Variants in ROR1 observed in about 807,000 individuals in gnomAD.
The protein encoded by ROR1 is ROR family WNT receptor 1, also known as inactive tyrosine-protein kinase transmembrane receptor ROR1.
In ROR1, 19 loss-of-function variants were observed where a neutral mutation model predicts 78.8. The ratio of observed to expected loss-of-function variants is 0.24; its 90% CI spans 0.17 to 0.35. The LOEUF is 0.35. ROR1 is among the 10% of genes least tolerant of loss of function. ROR1 has a pLI of 1.00. For synonymous variants in ROR1, 386 were observed against 433.6 expected, an observed-to-expected ratio of 0.89 and a Z score of 1.36; for missense variants, 917 against 1,177.8, an observed-to-expected ratio of 0.78 and a Z score of 3.24.
At chr1:64,105,710 A>C (rs1352084448) in intron 4 of ROR1, 1 of 152,244 alleles carries the variant, frequency 6.6e-6, no homozygotes, top group Non-Finnish European at 1.5e-5. Context: ...TTTAATGAAT[A>C]GGAGATCATT....
intron 4 of ROR1, among the ~76,000 whole-genome samples, chr1:64,079,967 C>T (rs58150998): frequency 0.15 from 22,574 of 151,996 alleles, 1,772 homozygotes; most frequent in Middle Eastern, 0.21. Context: ...ATGGAGAGGG[C>T]TTCTTTCTAT....
chr1:63,980,108 C>A (rs912501875), intron 1 of ROR1, among the ~76,000 whole-genome samples: 1 of 151,510 alleles, frequency 6.6e-6, no homozygotes, highest in African/African-American at 2.4e-5. Flanking sequence ...CACTAAGGAT[C>A]CAACTTTATG....
chr1:63,974,453 G>A (rs1646141982), intron 1 of ROR1, among the ~76,000 whole-genome samples: 1 of 151,992 alleles, frequency 6.6e-6, no homozygotes, highest in African/African-American at 2.4e-5. Context: ...GTTTTTCATT[G>A]TTGTTGTTTT....
At chr1:64,164,900 C>G (rs1052000263) in intron 8 of ROR1, among the ~76,000 whole-genome samples, 2 of 152,140 alleles carry the variant, frequency 1.3e-5, no homozygotes, top group Non-Finnish European at 2.9e-5. Context: ...GTCTCCAGCT[C>G]CATCCATGTC....
intron 1 of ROR1, among the ~76,000 whole-genome samples, chr1:63,918,723 G>T (rs555892405): frequency 2.0e-5 from 3 of 152,120 alleles, no homozygotes; most frequent in Non-Finnish European, 2.9e-5. Flanking sequence ...GCCAGAGACC[G>T]TTAGGGAGTT....
chr1:64,029,050 CTT>C (rs1302762739), intron 2 of ROR1: 1 of 152,086 alleles, frequency 6.6e-6, no homozygotes, highest in Non-Finnish European at 1.5e-5. Context: ...CTATATCACT[CTT>C]ATGTCTTGTT....
chr1:63,902,868 G>A (rs1351649760), intron 1 of ROR1, among the ~76,000 whole-genome samples: 2 of 152,134 alleles, frequency 1.3e-5, no homozygotes, highest in South Asian at 2.1e-4. Flanking sequence ...GTTTCCGCCA[G>A]TCATCCTTAG....
Position 63,920,579 on chromosome 1 carries a change from A to C in ROR1, c.92-88726A>C, listed in dbSNP as rs115747916. 5.5e-3 allele frequency among the ~76,000 whole-genome samples: 837 copies of C among 152,268 alleles called. 11 individuals carry two copies. The highest frequency in any genetic ancestry group is 6.8e-3 in the Middle Eastern group (2 of 294). ...ATTACTCCAGAGTCTCTTATCTTCAAATCAAAAGCAAGACGAGAGGCAGAT... is the reference window on the plus strand; with the variant it reads ...ATTACTCCAGAGTCTCTTATCTTCACATCAAAAGCAAGACGAGAGGCAGAT... On this transcript the variant is annotated intron_variant, in intron 1 of 8. Coordinates refer to ENST00000371079, the MANE Select transcript of ROR1 (RefSeq NM_005012.4).
At chr1:63,847,058 T>C (rs781592061) in intron 1 of ROR1, among the ~76,000 whole-genome samples, 2 of 152,120 alleles carry the variant, frequency 1.3e-5, no homozygotes, top group Non-Finnish European at 2.9e-5. Context: ...CCTGCAGAGG[T>C]CTTCTTCCAC....
At chr1:64,072,471 A>G (rs924275293) in intron 4 of ROR1, among the ~76,000 whole-genome samples, 1 of 152,174 alleles carries the variant, frequency 6.6e-6, no homozygotes, top group Non-Finnish European at 1.5e-5. Context: ...CAGTTCCCTG[A>G]CAGCCTGATT....
intron 1 of ROR1, among the ~76,000 whole-genome samples, chr1:63,946,892 C>T (rs973432012): frequency 3.3e-5 from 5 of 152,178 alleles, no homozygotes; most frequent in Admixed American, 2.0e-4. Flanking sequence ...TGGCTCCTAA[C>T]GGAGGGAGTA....
chr1:64,150,307 T>G (rs1181814805), intron 7 of ROR1, among the ~76,000 whole-genome samples: 5 of 151,828 alleles, frequency 3.3e-5, no homozygotes, highest in Non-Finnish European at 4.4e-5. Context: ...CCTGGCCTAT[T>G]GCTTTTGTAT....
Position 64,166,735 on chromosome 1 carries a change from C to T in ROR1, c.1386+7543C>T, listed in dbSNP as rs111527193. 5.3e-3 allele frequency among the ~76,000 whole-genome samples: 806 copies of T among 152,250 alleles called. 9 individuals carry two copies. The highest frequency in any genetic ancestry group is 0.017 in the African/African-American group (712 of 41,540). ...TAGAGGTAGCTCTTTGGACAGCTCT[C>T]GTATTCCTTGTGTCCATCCTGTTAG... On this transcript the variant is annotated intron_variant, in intron 8 of 8. Transcript: ENST00000371079.
chr1:63,965,222 A>G (rs1375989933), intron 1 of ROR1, among the ~76,000 whole-genome samples: 2 of 152,168 alleles, frequency 1.3e-5, no homozygotes, highest in African/African-American at 4.8e-5. Flanking sequence ...GCTCAAATCC[A>G]GCTCTATATG....
At chr1:63,839,238 G>A (rs1645035133) in intron 1 of ROR1, among the ~76,000 whole-genome samples, 1 of 152,168 alleles carries the variant, frequency 6.6e-6, no homozygotes, top group South Asian at 2.1e-4. Flanking sequence ...TGGTTGATTG[G>A]TTTAAAGAAA....
intron 4 of ROR1, among the ~76,000 whole-genome samples, chr1:64,067,748 TG>T (rs1646969603): frequency 7.0e-6 from 1 of 141,856 alleles, no homozygotes; most frequent in African/African-American, 2.7e-5. Flanking sequence ...AGTCTCGCTC[TG>T]TCACCGAGGC....
intron 1 of ROR1, among the ~76,000 whole-genome samples, chr1:64,007,652 A>G (rs1279049535): frequency 6.6e-6 from 1 of 152,116 alleles, no homozygotes; most frequent in African/African-American, 2.4e-5. Flanking sequence ...TTATATTTTA[A>G]GTTATTTACC....
At chr1:63,899,981 T>C (rs1403975880) in intron 1 of ROR1, among the ~76,000 whole-genome samples, 1 of 152,062 alleles carries the variant, frequency 6.6e-6, no homozygotes, top group Non-Finnish European at 1.5e-5. Flanking sequence ...AAACAGTGTG[T>C]TATTTCTCCC....
intron 4 of ROR1, among the ~76,000 whole-genome samples, chr1:64,127,163 T>C (rs1292234886): frequency 1.3e-5 from 2 of 152,234 alleles, no homozygotes; most frequent in Admixed American, 6.5e-5. Flanking sequence ...GGCGGTGTTA[T>C]TTGTGCAAAT....
Sources: allele counts gnomAD v4.1 joint callset (sites outside exome capture counted in the v4.1 genomes callset), GRCh38; gene constraint gnomAD v4.1.1; transcripts MANE v1.5; gene names NCBI Gene and HGNC (gene_info 2026-07-23, HGNC 2026-07-21).